Variants in MTO1 observed in about 807,000 individuals in gnomAD.
The protein encoded by MTO1 is 5-taurinomethyluridine-[tRNA] synthase subunit MTO1, mitochondrial.
Under a neutral mutation model 71.6 loss-of-function variants are expected in MTO1, and 46 were observed. The ratio of observed to expected loss-of-function variants is 0.64; its 90% confidence interval spans 0.51 to 0.82. The LOEUF is 0.82. Among genes scored for constraint, MTO1 ranks in the 40% least tolerant of loss-of-function variants. MTO1 has a pLI of 0.00. For synonymous variants in MTO1, 297 were observed against 312.1 expected (o/e 0.95, Z 0.51); for missense variants, 773 against 867.5 (o/e 0.89, Z 1.37).
chr6:73,489,496 T>C (rs1771748321), intron 9 of MTO1, among the ~76,000 whole-genome samples: 1 of 136,950 alleles, frequency 7.3e-6, no homozygotes, highest in African/African-American at 2.7e-5. Context: ...CCAAGTGTTC[T>C]CATTGTTCAA....
chr6:73,467,268 T>C (rs1220210911), intron 3 of MTO1, among the ~76,000 whole-genome samples: 5 of 152,028 alleles, frequency 3.3e-5, no homozygotes. Flanking sequence ...GAGCTGTGAT[T>C]ATGCCACTGC....
chr6:73,464,632 A>G (rs919739569), intron 1 of MTO1, among the ~76,000 whole-genome samples: 2 of 150,918 alleles, frequency 1.3e-5, no homozygotes, highest in Non-Finnish European at 3.0e-5. Flanking sequence ...ATAGAAAATT[A>G]AACACCCAAG....
rs1323723583 is a variant in MTO1 at position 73,503,279 on chromosome 6, T to G, written c.*2544T>G. On this transcript the variant is annotated 3_prime_UTR_variant, in exon 12 of 12. Coordinates refer to ENST00000498286, the MANE Select transcript of MTO1 (RefSeq NM_012123.4). The stretch of plus-strand genomic sequence containing the variant: ...ACATGCCACCATGCCTGGCTAAGTT[T>G]TAAAAAAATTTTTTGTAGGAATGAA... 6.6e-6 allele frequency: 1 copy of G among 152,052 alleles called. No homozygotes were observed. Among genetic ancestry groups the G allele is most frequent in the Admixed American group, 6.6e-5 (1 of 15,236 alleles). 9.4% of individuals were successfully genotyped at this position (152,052 alleles called of 1,614,324 possible).
intron 9 of MTO1, chr6:73,487,590 A>C (rs1186880295): frequency 1.3e-5 from 1 of 77,918 alleles, no homozygotes; most frequent in Non-Finnish European, 2.6e-5. Context: ...TTTTTTTTTT[A>C]GAGACAGGAT....
chr6:73,473,944 T>C (rs1433737356), intron 4 of MTO1, among the ~76,000 whole-genome samples: 1 of 151,852 alleles, frequency 6.6e-6, no homozygotes, highest in African/African-American at 2.4e-5. Flanking sequence ...TGAGCCATTG[T>C]GCCTGGCTTT....
intron 4 of MTO1, 35 bp downstream of exon 4, chr6:73,473,689 G>A (rs765990993): frequency 6.7e-7 from 1 of 1,493,402 alleles, no homozygotes; most frequent in East Asian, 2.4e-5. Flanking sequence ...CTTACAGCTG[G>A]TATTGGCTAT....
chr6:73,475,222 C>G (rs753380458), intron 4 of MTO1, among the ~76,000 whole-genome samples: 1 of 152,004 alleles, frequency 6.6e-6, no homozygotes, highest in Non-Finnish European at 1.5e-5. Flanking sequence ...CTCAGCCTCT[C>G]AAAGTGCTGG....
At chr6:73,500,477 G>T (rs930309546) in intron 11 of MTO1, 97 bp from the exon 12 acceptor site, 2 of 939,340 alleles carry the variant, frequency 2.1e-6, no homozygotes, top group East Asian at 3.1e-5. Flanking sequence ...AGAAAATATT[G>T]TATAAACTAT....
intron 10 of MTO1, 45 bp downstream of exon 10, chr6:73,492,397 A>C: frequency 8.1e-7 from 1 of 1,238,408 alleles, no homozygotes; most frequent in Non-Finnish European, 1.2e-6. Flanking sequence ...CATATGTGCA[A>C]ATTATGAATA....
At chr6:73,475,329 C>G (rs1439783021) in intron 4 of MTO1, among the ~76,000 whole-genome samples, 1 of 151,972 alleles carries the variant, frequency 6.6e-6, no homozygotes, top group African/African-American at 2.4e-5. Context: ...GTTGCCCAAC[C>G]TGTGGTGCAA....
In MTO1 at chr6:73,467,172, G is replaced by A. The variant is rs891141698; in HGVS notation, c.535+566G>A. ...CTACAAAAAAATACAAAAATTAGCC[G>A]GTGTGGTAGCAGGTGCCTGTAGTTT... On this transcript the variant is annotated intron_variant, in intron 3 of 11. Transcript: ENST00000498286. 2.6e-5 allele frequency among the ~76,000 whole-genome samples: 4 copies of A among 151,916 alleles called. 1 individual carries two copies. The South Asian group carries it at 6.2e-4, about 24-fold the overall frequency.
intron 1 of MTO1, chr6:73,462,346 TA>T: frequency 1.9e-6 from 1 of 519,924 alleles, no homozygotes; most frequent in Non-Finnish European, 3.5e-6. Context: ...GAAAGGGAGC[TA>T]CCAACTACTC....
chr6:73,482,371 TAGTG>T, intron 8 of MTO1, 74 bp from the exon 9 acceptor site: 4 of 1,540,768 alleles, frequency 2.6e-6, no homozygotes, highest in Non-Finnish European at 3.6e-6. Context: ...CTGGGCAACA[TAGTG>T]AGACACTGTC....
intron 3 of MTO1, among the ~76,000 whole-genome samples, chr6:73,470,495 C>T (rs1486575701): frequency 6.6e-6 from 1 of 152,072 alleles, no homozygotes; most frequent in Non-Finnish European, 1.5e-5. Context: ...CATGAGCCAC[C>T]GCGCGTGGCC....
At chr6:73,481,564 G>A (rs1027077426) in intron 7 of MTO1, among the ~76,000 whole-genome samples, 4 of 151,990 alleles carry the variant, frequency 2.6e-5, no homozygotes, top group Admixed American at 1.3e-4. Context: ...CCAGGAGTTC[G>A]AGACCAGCCT....
intron 10 of MTO1, among the ~76,000 whole-genome samples, chr6:73,493,109 C>T (rs544177245): frequency 8.6e-5 from 13 of 150,676 alleles, no homozygotes; most frequent in African/African-American, 3.2e-4. Flanking sequence ...ATTCTCCTGC[C>T]TCAGCCTCCT....
chr6:73,494,186 G>T (rs2150043276), intron 10 of MTO1, among the ~76,000 whole-genome samples: 1 of 152,000 alleles, frequency 6.6e-6, no homozygotes, highest in South Asian at 2.1e-4. Flanking sequence ...AGTGAGCCGA[G>T]ATCGCACCAT....
At chr6:73,487,273 A>G (rs889171935) in intron 9 of MTO1, among the ~76,000 whole-genome samples, 2 of 147,882 alleles carry the variant, frequency 1.4e-5, no homozygotes, top group African/African-American at 2.5e-5. Context: ...GCTCACTGCA[A>G]CCTTCGCCCC....
At chr6:73,488,611 T>A (rs1017378019) in intron 9 of MTO1, among the ~76,000 whole-genome samples, 8 of 152,092 alleles carry the variant, frequency 5.3e-5, no homozygotes, top group South Asian at 2.1e-4. Context: ...ATGTACATTT[T>A]AAAAAAATTT....
Sources: gnomAD v4.1 joint callset for allele counts (sites outside exome capture counted in the v4.1 genomes callset) on GRCh38, gnomAD v4.1.1 for gene constraint, MANE v1.5 for transcripts, NCBI Gene and HGNC (gene_info 2026-07-23, HGNC 2026-07-21) for gene names.